Variants in LRRC40 observed in about 807,000 individuals in gnomAD.
LRRC40 encodes the protein leucine rich repeat containing 40.
LRRC40 carries 76 observed loss-of-function variants against 72.8 expected under a neutral mutation model. The ratio of observed to expected loss-of-function variants is 1.04; its 90% CI spans 0.87 to 1.26. LRRC40 has a LOEUF of 1.26. Among genes scored for constraint, LRRC40 ranks in the 50% most tolerant of loss-of-function variants. The pLI is 0.00. For missense variants in LRRC40, 684 were observed against 698.9 expected (o/e 0.98, Z 0.24); for synonymous variants, 243 against 254.2 (o/e 0.96, Z 0.42).
At chr1:70,152,614 CAAAGGGGGAAATTCCT>C in intron 11 of LRRC40, 71 bp from the exon 12 acceptor site, 3 of 772,160 alleles carry the variant, frequency 3.9e-6, no homozygotes, top group Non-Finnish European at 6.7e-6. Context: ...GTAAGCAGAT[CAAAGGGGGAAATTCCT>C]ATATTTAACT....
In LRRC40 at chr1:70,159,420, CT is replaced by C; in HGVS notation, c.1129del (p.Ser377ValfsTer9). 6.3e-7 allele frequency: 1 copy of C among 1,590,038 alleles called. No homozygotes were observed. Among genetic ancestry groups the C allele is most frequent in the Non-Finnish European group, 8.6e-7 (1 of 1,162,678 alleles). On this transcript the variant is annotated frameshift_variant, in exon 10 of 15. Coordinates refer to ENST00000370952, the MANE Select transcript of LRRC40 (RefSeq NM_017768.5). LOFTEE classifies it high-confidence loss of function. ...CATGGCAGTCTCAGTAGCAGACTCA[CT>C]TTGGCTAGGTCCATCATCTGGCAAA... ...SKIKDDGPSQ[S>X]ESATETAMTL...
At position 70,159,767 on chromosome 1, in the gene LRRC40, T is replaced by C. The variant is rs1667716371; in HGVS notation, c.1112-329A>G. 2.0e-5 allele frequency among the ~76,000 whole-genome samples: 3 copies of C among 152,076 alleles called. No homozygotes were observed. The South Asian group carries it at 6.3e-4, about 32-fold the overall frequency. On this transcript the variant is annotated intron_variant, in intron 9 of 14. Transcript: ENST00000370952. ...TAATCCTTCCTCTTAAGTAAAATAATATGGTCCACTAGAAGAAATTTGTTA... is the reference window on the plus strand; with the variant it reads ...TAATCCTTCCTCTTAAGTAAAATAACATGGTCCACTAGAAGAAATTTGTTA...
At chr1:70,204,790 T>A (rs984304233) in intron 1 of LRRC40, among the ~76,000 whole-genome samples, 6 of 151,344 alleles carry the variant, frequency 4.0e-5, no homozygotes, top group Non-Finnish European at 5.9e-5. Flanking sequence ...GGCCATTCAT[T>A]CATGGTACCC....
chr1:70,163,597 A>C (rs1667813004), intron 9 of LRRC40, among the ~76,000 whole-genome samples: 1 of 152,184 alleles, frequency 6.6e-6, no homozygotes. Flanking sequence ...ATTCATAATA[A>C]TATCCTTATT....
intron 11 of LRRC40, among the ~76,000 whole-genome samples, chr1:70,153,703 C>A (rs1667566868): frequency 6.6e-6 from 1 of 151,850 alleles, no homozygotes; most frequent in African/African-American, 2.4e-5. Flanking sequence ...AAATTATGGC[C>A]AAGCATGGTG....
Position 70,144,935 on chromosome 1 carries a change from G to C in LRRC40, c.*865C>G, listed in dbSNP as rs547041174. On this transcript the variant is annotated 3_prime_UTR_variant, in exon 15 of 15. Coordinates refer to ENST00000370952, the MANE Select transcript of LRRC40 (RefSeq NM_017768.5). The stretch of plus-strand genomic sequence containing the variant: ...CCTATCTATATAAATTGATATACAT[G>C]CTACTGAATTGACTTCTTAATAGAA... 1 of 152,096 alleles carries C rather than the reference G, an allele frequency of 6.6e-6. No homozygotes were observed. Among genetic ancestry groups the C allele is most frequent in the African/African-American group, 2.4e-5 (1 of 41,498 alleles). 9.4% of individuals were successfully genotyped at this position (152,096 alleles called of 1,614,324 possible).
At chr1:70,170,802 A>G (rs1191619099) in intron 9 of LRRC40, among the ~76,000 whole-genome samples, 1 of 152,188 alleles carries the variant, frequency 6.6e-6, no homozygotes, top group East Asian at 1.9e-4. Flanking sequence ...TGATCTACAG[A>G]AATGCATAAA....
At chr1:70,177,672 A>T (rs1248654819) in intron 6 of LRRC40, among the ~76,000 whole-genome samples, 2 of 152,236 alleles carry the variant, frequency 1.3e-5, no homozygotes, top group Non-Finnish European at 2.9e-5. Flanking sequence ...CATATACCAT[A>T]GATTTAAGTT....
intron 1 of LRRC40, among the ~76,000 whole-genome samples, chr1:70,199,588 G>A (rs979793152): frequency 6.6e-6 from 1 of 152,038 alleles, no homozygotes; most frequent in Non-Finnish European, 1.5e-5. Flanking sequence ...CCTTTATGAT[G>A]ATCCACTCCA....
intron 1 of LRRC40, 137 bp downstream of exon 1, chr1:70,205,245 TGAGCACAG>T: frequency 1.4e-6 from 1 of 732,064 alleles, no homozygotes; most frequent in Non-Finnish European, 2.1e-6. Flanking sequence ...CCGGTCGAAA[TGAGCACAG>T]GGATTAGATT....
At chr1:70,157,518 T>C (rs1315481992) in intron 10 of LRRC40, among the ~76,000 whole-genome samples, 3 of 152,192 alleles carry the variant, frequency 2.0e-5, no homozygotes, top group Non-Finnish European at 2.9e-5. Context: ...CCAAATAAAA[T>C]TGGACCAATA....
chr1:70,154,347 A>C (rs1667589178), intron 11 of LRRC40, among the ~76,000 whole-genome samples: 1 of 152,196 alleles, frequency 6.6e-6, no homozygotes, highest in Admixed American at 6.5e-5. Context: ...ATTATTTTGC[A>C]AAAGAAGAGC....
At chr1:70,169,208 T>C (rs1334969672) in intron 9 of LRRC40, among the ~76,000 whole-genome samples, 2 of 152,106 alleles carry the variant, frequency 1.3e-5, no homozygotes, top group African/African-American at 4.8e-5. Context: ...TCGTTCCACA[T>C]AGCCCACTCC....
In LRRC40 at chr1:70,189,225, T is replaced by A. The variant is rs760674278; in HGVS notation, c.200A>T (p.Asn67Ile). ...AGTAGCACCAAACGAAAGATTCTGA[T>A]TAGCTTCCTCAGGGATATCCACATT... ...RINVDIPEEA[N>I]QNLSFGATER... The change falls in exon 2 of 15, where the codon AAT (asparagine) becomes ATT (isoleucine). Residue 67 changes from asparagine to isoleucine, a missense_variant. Coordinates refer to ENST00000370952, the MANE Select transcript of LRRC40 (RefSeq NM_017768.5). 1 of 1,612,670 alleles carries A rather than the reference T, an allele frequency of 6.2e-7. No individual in the cohort carries two copies. Among genetic ancestry groups the A allele is most frequent in the Non-Finnish European group, 8.5e-7 (1 of 1,179,832 alleles).
chr1:70,156,257 A>G (rs1331574616), intron 10 of LRRC40, among the ~76,000 whole-genome samples: 1 of 152,152 alleles, frequency 6.6e-6, no homozygotes, highest in Non-Finnish European at 1.5e-5. Context: ...TCAACATTAT[A>G]CTAAACTAAC....
intron 9 of LRRC40, among the ~76,000 whole-genome samples, chr1:70,161,214 A>G (rs1184119500): frequency 4.0e-5 from 6 of 151,226 alleles, no homozygotes; most frequent in Non-Finnish European, 7.4e-5. Flanking sequence ...CCTCCCGAGT[A>G]GCTGGGGCTA....
intron 1 of LRRC40, 22 bp from the exon 2 acceptor site, chr1:70,189,295 CA>C (rs769240257): frequency 1.7e-6 from 2 of 1,201,508 alleles, no homozygotes; most frequent in Non-Finnish European, 2.1e-6. Context: ...AGCACCACAC[CA>C]GGAAAAAAAA....
chr1:70,190,412 G>A (rs1341315487), intron 1 of LRRC40, among the ~76,000 whole-genome samples: 2 of 151,854 alleles, frequency 1.3e-5, no homozygotes, highest in Non-Finnish European at 1.5e-5. Context: ...CAGTTGTAGT[G>A]CCTCAGGGCT....
intron 9 of LRRC40, among the ~76,000 whole-genome samples, chr1:70,171,517 A>C (rs1381195814): frequency 1.3e-5 from 2 of 152,158 alleles, no homozygotes; most frequent in Non-Finnish European, 1.5e-5. Context: ...ATTAAAAAAT[A>C]GACAAAGAAT....
Sources: allele counts gnomAD v4.1 joint callset (sites outside exome capture counted in the v4.1 genomes callset), GRCh38; gene constraint gnomAD v4.1.1; transcripts MANE v1.5; gene names NCBI Gene and HGNC (gene_info 2026-07-23, HGNC 2026-07-21).